Variants in TMX3 observed in about 807,000 individuals in gnomAD.
TMX3 encodes thioredoxin related transmembrane protein 3.
A neutral mutation model predicts 64.4 loss-of-function variants in TMX3; 40 were observed. The observed-to-expected ratio is 0.62, with a 90% confidence interval of 0.48 to 0.81. The LOEUF (loss-of-function observed/expected upper bound fraction) is 0.81. TMX3 is among the 30% of genes least tolerant of loss of function. The probability of loss-of-function intolerance (pLI) is 0.00; values close to 1 mark genes in which losing one functional copy is unlikely to be tolerated. For missense variants in TMX3, 497 were observed against 534.5 expected (o/e 0.93, Z 0.69); for synonymous variants, 189 against 175.7 (o/e 1.08, Z -0.60).
chr18:68,682,497 T>A (rs2145016094), intron 13 of TMX3, among the ~76,000 whole-genome samples: 1 of 152,268 alleles, frequency 6.6e-6, no homozygotes, highest in Non-Finnish European at 1.5e-5. Context: ...TTTAAACAGA[T>A]AAAAATTTTA....
chr18:68,684,136 T>G, intron 12 of TMX3, 54 bp downstream of exon 12: 2 of 1,344,764 alleles, frequency 1.5e-6, no homozygotes, highest in Non-Finnish European at 2.1e-6. Flanking sequence ...TTTACTAAAT[T>G]ACAAAATGGT....
intron 15 of TMX3, among the ~76,000 whole-genome samples, chr18:68,679,012 A>G (rs1287680587): frequency 6.6e-6 from 1 of 152,160 alleles, no homozygotes. Flanking sequence ...ATTAACAGGG[A>G]TGTTTAAAAT....
intron 9 of TMX3, chr18:68,688,830 G>C (rs1914220836): frequency 6.6e-6 from 1 of 152,144 alleles, no homozygotes; most frequent in Non-Finnish European, 1.5e-5. Context: ...AATATCGCAA[G>C]TTCTCATTTA....
intron 4 of TMX3, among the ~76,000 whole-genome samples, chr18:68,703,190 T>A (rs1464129268): frequency 1.3e-5 from 2 of 152,188 alleles, no homozygotes; most frequent in Admixed American, 1.3e-4. Context: ...ATATTTTTAA[T>A]GACCCCTTTC....
rs1913382525 is a variant in TMX3 at position 68,681,128 on chromosome 18, A to C, written c.906-18T>G. ...TCAATTCACTGAAAATATAAAAACA[A>C]ATCAAAATATACATTAAACACAGCA... On this transcript the variant is annotated intron_variant, in intron 13 of 15. Transcript: ENST00000299608. 6 of 1,537,482 alleles carry C rather than the reference A, an allele frequency of 3.9e-6. No individual in the cohort carries two copies. Among genetic ancestry groups the C allele is most frequent in the Non-Finnish European group, 5.2e-6 (6 of 1,143,840 alleles).
chr18:68,683,031 G>T (rs1913596379), intron 12 of TMX3, 50 bp from the exon 13 acceptor site: 1 of 1,509,484 alleles, frequency 6.6e-7, no homozygotes, highest in Non-Finnish European at 9.1e-7. Context: ...GGGGGTGGGG[G>T]GAGAGAGAGA....
chr18:68,698,759 G>A (rs1054873970), intron 6 of TMX3, among the ~76,000 whole-genome samples: 20 of 152,062 alleles, frequency 1.3e-4, no homozygotes, highest in African/African-American at 4.8e-4. Context: ...GCTCATGCCT[G>A]TACTCTCAGC....
Position 68,714,943 on chromosome 18 carries a change from G to A in TMX3, c.39C>T (p.Cys13=), listed in dbSNP as rs771983599. 1.3e-6 allele frequency: 2 copies of A among 1,567,826 alleles called. No individual in the cohort carries two copies. The highest frequency in any genetic ancestry group is 1.4e-5 in the African/African-American group (1 of 73,586). The change falls in exon 1 of 16, where the codon TGC becomes TGT. Residue 13 remains cysteine, a synonymous_variant. Coordinates refer to ENST00000299608, the MANE Select transcript of TMX3 (RefSeq NM_019022.5). ...AWKSWTALRL[C]ATVVVLDMVV... is the part of the protein sequence containing the mutation. ...CCGCTGAGCCCCCATTACCTGTGGCGCAGAGCCGCAGGGCCGTCCAACTCT... is the reference window on the plus strand; with the variant it reads ...CCGCTGAGCCCCCATTACCTGTGGCACAGAGCCGCAGGGCCGTCCAACTCT...
chr18:68,682,817 T>C (rs1913565766), intron 13 of TMX3, 108 bp downstream of exon 13: 1 of 850,442 alleles, frequency 1.2e-6, no homozygotes, highest in Non-Finnish European at 1.8e-6. Flanking sequence ...CATCTGAATA[T>C]GTCAACTGTT....
intron 4 of TMX3, among the ~76,000 whole-genome samples, chr18:68,702,634 C>A (rs796716212): frequency 6.6e-6 from 1 of 152,108 alleles, no homozygotes; most frequent in Admixed American, 6.5e-5. Flanking sequence ...AAACTATACA[C>A]TAGTATATGA....
intron 14 of TMX3, 91 bp from the exon 15 acceptor site, chr18:68,679,622 T>C (rs1368078672): frequency 2.9e-6 from 3 of 1,050,976 alleles, no homozygotes; most frequent in Non-Finnish European, 4.2e-6. Context: ...GGCCAAATGG[T>C]TGACTCCAAA....
intron 15 of TMX3, 87 bp downstream of exon 15, chr18:68,679,376 T>A (rs1229021085): frequency 1.9e-6 from 2 of 1,076,588 alleles, no homozygotes; most frequent in Admixed American, 5.0e-5. Context: ...TTTGACCTAA[T>A]CTTTTCAAAT....
chr18:68,693,979 A>G (rs1483712112), intron 8 of TMX3, among the ~76,000 whole-genome samples: 1 of 152,148 alleles, frequency 6.6e-6, no homozygotes, highest in East Asian at 1.9e-4. Flanking sequence ...ACTTGTCCGG[A>G]TGACCTGCCT....
In TMX3 at chr18:68,682,976, A is replaced by T; in HGVS notation, c.854T>A (p.Phe285Tyr). 6.2e-7 allele frequency: 1 copy of T among 1,610,624 alleles called. No individual in the cohort carries two copies. Among genetic ancestry groups the T allele is most frequent in the Non-Finnish European group, 8.5e-7 (1 of 1,177,972 alleles). ...RDYRDLFHRD[F>Y]QFGHMDGNDY... Reference sequence around the variant, plus strand: ...ATTTCCATCCATGTGGCCAAACTGAAAATCCCTAACCACCACCAACCAAAA... The same window carrying T: ...ATTTCCATCCATGTGGCCAAACTGATAATCCCTAACCACCACCAACCAAAA... Residue 285 changes from phenylalanine (F) to tyrosine (Y), a missense_variant, in exon 13 of 16, where the codon TTT (phenylalanine) becomes TAT (tyrosine). Physicochemically the swap from Phe to Tyr is conservative, Grantham distance 22 (BLOSUM62 3). Transcript: ENST00000299608.
At chr18:68,698,055 C>A in intron 6 of TMX3, 24 bp from the exon 7 acceptor site, 1 of 1,518,660 alleles carries the variant, frequency 6.6e-7, no homozygotes, top group Non-Finnish European at 9.1e-7. Flanking sequence ...AAACAAAAAA[C>A]AAACTTGAAT....
At chr18:68,713,949 C>T in intron 1 of TMX3, 49 bp from the exon 2 acceptor site, 2 of 1,357,106 alleles carry the variant, frequency 1.5e-6, no homozygotes, top group Non-Finnish European at 2.0e-6. Context: ...TTATTTGGCT[C>T]ATACCGTATA....
At chr18:68,704,728 C>T (rs1206691100) in intron 4 of TMX3, among the ~76,000 whole-genome samples, 1 of 152,094 alleles carries the variant, frequency 6.6e-6, no homozygotes, top group Non-Finnish European at 1.5e-5. Context: ...TGAAGTTTTA[C>T]GATTTTAAAT....
intron 12 of TMX3, 66 bp downstream of exon 12, chr18:68,684,124 G>A (rs978271453): frequency 3.7e-5 from 44 of 1,177,438 alleles, no homozygotes; most frequent in Non-Finnish European, 5.5e-5. Context: ...TACTAAGTTT[G>A]CTTTACTAAA....
At chr18:68,701,015 C>T (rs2030007006) in intron 5 of TMX3, 3 of 984,946 alleles carry the variant, frequency 3.0e-6, no homozygotes, top group African/African-American at 3.5e-5. Flanking sequence ...GCCTAATTAA[C>T]TAAAATTTTA....
Sources: allele counts gnomAD v4.1 joint callset (sites outside exome capture counted in the v4.1 genomes callset), GRCh38; gene constraint gnomAD v4.1.1; transcripts MANE v1.5; gene names NCBI Gene and HGNC (gene_info 2026-07-23, HGNC 2026-07-21).